The following TUBGCP3 variants were observed in gnomAD, a reference collection of about 807,000 sequenced individuals.
TUBGCP3 encodes tubulin gamma complex component 3.
Under a neutral mutation model 123.1 loss-of-function variants are expected in TUBGCP3, and 50 were observed. The ratio of observed to expected loss-of-function variants is 0.41; its 90% CI spans 0.32 to 0.51. TUBGCP3 has a LOEUF of 0.51. Ranked by LOEUF, TUBGCP3 falls within the 20% of genes least tolerant of loss-of-function variation. The probability of loss-of-function intolerance (pLI) is 0.36; values close to 1 mark genes in which losing one functional copy is unlikely to be tolerated. For synonymous variants in TUBGCP3, 405 were observed against 413.9 expected (o/e 0.98, Z 0.26); for missense variants, 882 against 1,127.0 (o/e 0.78, Z 3.11).
intron 14 of TUBGCP3, 84 bp downstream of exon 14, chr13:112,522,236 T>G: frequency 4.3e-6 from 5 of 1,155,586 alleles, no homozygotes; most frequent in East Asian, 2.7e-5. Flanking sequence ...CATTTTCTTT[T>G]AATATAATTT....
the TUBGCP3 span, among the ~76,000 whole-genome samples, chr13:112,599,694 T>A: frequency 1.3e-5 from 2 of 152,034 alleles, no homozygotes; most frequent in Non-Finnish European, 2.9e-5. Flanking sequence ...TTTTTATTTT[T>A]TTTTTTAGTA....
At chr13:112,506,463 T>C (rs1057398949) in intron 17 of TUBGCP3, among the ~76,000 whole-genome samples, 7 of 152,200 alleles carry the variant, frequency 4.6e-5, no homozygotes, top group African/African-American at 9.6e-5. Flanking sequence ...CAGTGAACTA[T>C]AGCGTCCACA....
At chr13:112,571,301 C>T (rs1402828377) in intron 1 of TUBGCP3, among the ~76,000 whole-genome samples, 1 of 152,200 alleles carries the variant, frequency 6.6e-6, no homozygotes, top group African/African-American at 2.4e-5. Context: ...GTTGAAATTA[C>T]TCTTTGGTCC....
intron 3 of TUBGCP3, among the ~76,000 whole-genome samples, chr13:112,560,284 G>A (rs1311099860): frequency 1.3e-5 from 2 of 151,844 alleles, no homozygotes; most frequent in Admixed American, 6.6e-5. Context: ...CAAAAAATTA[G>A]CTGGGCGTAG....
At chr13:112,598,362 G>A in the TUBGCP3 span, among the ~76,000 whole-genome samples, 1 of 151,228 alleles carries the variant, frequency 6.6e-6, no homozygotes, top group Non-Finnish European at 1.5e-5. Flanking sequence ...ACTGTAGGCA[G>A]GAACACACAA....
At chr13:112,503,059 T>G (rs1266918533) in intron 19 of TUBGCP3, among the ~76,000 whole-genome samples, 3 of 152,164 alleles carry the variant, frequency 2.0e-5, no homozygotes, top group African/African-American at 7.2e-5. Context: ...GGCCCTGAAG[T>G]GGCGTGTTTT....
At chr13:112,590,550 G>C (rs1882866004), upstream of TUBGCP3, among the ~76,000 whole-genome samples, 1 of 152,056 alleles carries the variant, frequency 6.6e-6, no homozygotes, top group Non-Finnish European at 1.5e-5. Flanking sequence ...GTGATGGTTT[G>C]TGTATTTTCT....
In TUBGCP3 at chr13:112,492,945, G is replaced by A. The variant is rs182886869; in HGVS notation, c.2449-3248C>T. On this transcript the variant is annotated intron_variant, in intron 20 of 21. Transcript: ENST00000261965. ...CTGAGACACTCTAGCTATGGGAACGGGGCCTGGTGTGCCTGAGACACTCTA... is the reference window on the plus strand; with the variant it reads ...CTGAGACACTCTAGCTATGGGAACGAGGCCTGGTGTGCCTGAGACACTCTA... Among the ~76,000 whole-genome samples, 460 of 144,576 alleles carry A rather than the reference G, an allele frequency of 3.2e-3. 4 individuals are homozygous for A. The highest frequency in any genetic ancestry group is 0.011 in the African/African-American group (440 of 38,682). 94.8% of individuals were successfully genotyped at this position (144,576 alleles called of 152,430 possible).
At position 112,498,771 on chromosome 13, in the gene TUBGCP3, G is replaced by A. The variant is rs1880689671; in HGVS notation, c.2448+274C>T. 3 of 1,540,004 alleles carry A rather than the reference G, an allele frequency of 1.9e-6. No homozygotes were observed. The South Asian group carries it at 3.6e-5, about 19-fold the overall frequency. ...TTCCGACGGGTGACATCGGCATTGTGGCACTCAGTAATGAAAACGGGCAGG... is the reference window on the plus strand; with the variant it reads ...TTCCGACGGGTGACATCGGCATTGTAGCACTCAGTAATGAAAACGGGCAGG... On this transcript the variant is annotated intron_variant, in intron 20 of 21. Transcript: ENST00000261965.
chr13:112,492,456 G>A (rs1365697410), intron 20 of TUBGCP3, among the ~76,000 whole-genome samples: 2 of 152,194 alleles, frequency 1.3e-5, no homozygotes, highest in African/African-American at 2.4e-5. Flanking sequence ...ATGAATATGC[G>A]CATGTCACCC....
the TUBGCP3 span, among the ~76,000 whole-genome samples, chr13:112,595,827 TCTG>T: frequency 6.6e-6 from 1 of 152,106 alleles, no homozygotes; most frequent in East Asian, 1.9e-4. Flanking sequence ...AAGGCTTGAG[TCTG>T]CTATTATATT....
chr13:112,545,740 G>A lies in TUBGCP3; in HGVS notation c.1294C>T (p.Arg432Cys), dbSNP rs145121608. Reference sequence around the variant, plus strand: ...TCAAGCTCCCCATCATATATCCAGCGGTACAGGAAGCTCAAAACAGGATGA... The same window carrying A: ...TCAAGCTCCCCATCATATATCCAGCAGTACAGGAAGCTCAAAACAGGATGA... ...VSHPVLSFLY[R>C]WIYDGELEDT... is the part of the protein sequence containing the mutation. The change falls in exon 11 of 22, where the codon CGC (arginine) becomes TGC (cysteine). Residue 432 changes from arginine to cysteine, a missense_variant. Transcript: ENST00000261965. The surrounding 1 kb of genome is among the most constrained non-coding windows in gnomAD (Gnocchi z 4.1). 49 of 1,614,114 alleles carry A rather than the reference G, an allele frequency of 3.0e-5. No homozygotes were observed. Among genetic ancestry groups the A allele is most frequent in the Non-Finnish European group, 3.6e-5 (42 of 1,180,022 alleles).
chr13:112,543,087 T>C (rs547837304), intron 11 of TUBGCP3, among the ~76,000 whole-genome samples: 8 of 152,108 alleles, frequency 5.3e-5, no homozygotes, highest in Non-Finnish European at 1.0e-4. Flanking sequence ...GAGGTGGAGG[T>C]TGCAGTGAGC....
At chr13:112,593,476 C>A in the TUBGCP3 span, among the ~76,000 whole-genome samples, 1 of 151,630 alleles carries the variant, frequency 6.6e-6, no homozygotes, top group African/African-American at 2.4e-5. Flanking sequence ...AGTTTGAGAC[C>A]AGCCTATCCA....
intron 8 of TUBGCP3, among the ~76,000 whole-genome samples, chr13:112,548,854 T>C (rs1170544579): frequency 1.3e-5 from 2 of 152,168 alleles, no homozygotes; most frequent in Admixed American, 6.5e-5. Context: ...GGAGAGGATG[T>C]GGAGAAATAG....
the TUBGCP3 span, chr13:112,602,679 G>A: frequency 6.6e-6 from 1 of 152,146 alleles, no homozygotes; most frequent in Non-Finnish European, 1.5e-5. Context: ...ACAATTGAGT[G>A]GGCTAGTGAC....
At chr13:112,535,450 C>G (rs1566558524) in intron 11 of TUBGCP3, among the ~76,000 whole-genome samples, 1 of 152,180 alleles carries the variant, frequency 6.6e-6, no homozygotes, top group African/African-American at 2.4e-5. Context: ...TTGCCAACAC[C>G]TGTTATTTTC....
chr13:112,576,153 A>C (rs1418974273), intron 1 of TUBGCP3, among the ~76,000 whole-genome samples: 1 of 152,236 alleles, frequency 6.6e-6, no homozygotes, highest in African/African-American at 2.4e-5. Flanking sequence ...CATGGAATGA[A>C]CGTAATTCTG....
intron 11 of TUBGCP3, among the ~76,000 whole-genome samples, chr13:112,541,764 A>G (rs184484250): frequency 1.1e-4 from 17 of 152,336 alleles, no homozygotes; most frequent in African/African-American, 3.8e-4. Context: ...TAATAGTATG[A>G]AAACTCAGAC....
Sources: allele counts gnomAD v4.1 joint callset (sites outside exome capture counted in the v4.1 genomes callset), GRCh38; gene constraint gnomAD v4.1.1; non-coding constraint Gnocchi (gnomAD v3.1); transcripts MANE v1.5; gene names NCBI Gene and HGNC (gene_info 2026-07-23, HGNC 2026-07-21).